PPM1L: variants seen among roughly 807,000 people sequenced by gnomAD.
The protein encoded by PPM1L is protein phosphatase 1L.
In PPM1L, 13 loss-of-function variants were observed where a neutral mutation model predicts 31.4. That is an observed-to-expected ratio of 0.41 (90% confidence interval 0.27 to 0.66). PPM1L has a LOEUF of 0.66. Among genes scored for constraint, PPM1L ranks in the 30% least tolerant of loss-of-function variants. The pLI is 0.29. For missense variants in PPM1L, 326 were observed against 453.7 expected (o/e 0.72, Z 2.56); for synonymous variants, 184 against 175.4 (o/e 1.05, Z -0.39).
chr3:160,961,141 TTTTG>T lies in PPM1L; in HGVS notation c.400-567_400-564del, dbSNP rs533073172. 8.7e-4 allele frequency among the ~76,000 whole-genome samples: 132 copies of T among 151,972 alleles called. 1 individual carries two copies. The highest frequency in any genetic ancestry group is 2.1e-3 in the South Asian group (10 of 4,818). On this transcript the variant is annotated intron_variant, in intron 1 of 3. Coordinates refer to ENST00000498165, the MANE Select transcript of PPM1L (RefSeq NM_139245.4). Reference sequence around the variant, plus strand: ...GCATTTAAGTGGTGAAGAGGTTTGGTTTTGTTTGTTTGTTTGTTTGTTTGTTTGT... The same window carrying T: ...GCATTTAAGTGGTGAAGAGGTTTGGTTTTGTTTGTTTGTTTGTTTGTTTGT...
chr3:160,879,402 C>T (rs1712627035), intron 1 of PPM1L, among the ~76,000 whole-genome samples: 1 of 152,082 alleles, frequency 6.6e-6, no homozygotes, highest in South Asian at 2.1e-4. Context: ...ATAGATACCT[C>T]AAGTGGAGGG....
chr3:160,933,900 A>T (rs946256702), intron 1 of PPM1L, among the ~76,000 whole-genome samples: 1 of 152,234 alleles, frequency 6.6e-6, no homozygotes, highest in East Asian at 1.9e-4. Flanking sequence ...GTGCCTCCTG[A>T]GAAATGTGTT....
chr3:160,866,849 T>C (rs990629344), intron 1 of PPM1L, among the ~76,000 whole-genome samples: 4 of 152,170 alleles, frequency 2.6e-5, no homozygotes, highest in African/African-American at 9.7e-5. Context: ...ATTTTATGTA[T>C]TTATTATTTT....
chr3:160,835,118 TTTC>T (rs1713673210), intron 1 of PPM1L, among the ~76,000 whole-genome samples: 1 of 147,130 alleles, frequency 6.8e-6, no homozygotes, highest in Non-Finnish European at 1.5e-5. Context: ...TTCCTTCTTC[TTTC>T]TTCTTTCTTC....
At chr3:160,906,068 T>C (rs956243833) in intron 1 of PPM1L, among the ~76,000 whole-genome samples, 1 of 152,030 alleles carries the variant, frequency 6.6e-6, no homozygotes, top group Non-Finnish European at 1.5e-5. Context: ...TTCTTAACAT[T>C]ATTATTATTA....
rs943265227 is a variant in PPM1L at position 160,973,796 on chromosome 3, C to A, written c.574+11886C>A. ...TTTTTTTTTTTTTTTTTTTTTTTAA[C>A]CAAGACTTGTCTTTATTTTTTTATT... is the stretch of plus-strand genomic sequence containing the variant. On this transcript the variant is annotated intron_variant, in intron 2 of 3. Transcript: ENST00000498165. Among the ~76,000 whole-genome samples the A allele has an allele frequency of 2.0e-3, 129 of 65,548 alleles. 1 individual carries two copies. The highest frequency in any genetic ancestry group is 5.3e-3 in the African/African-American group (127 of 23,810). 43.0% of individuals were successfully genotyped at this position (65,548 alleles called of 152,430 possible). A position where few individuals can be genotyped will look rare whatever the true frequency, so the allele number is the denominator to read the frequency against.
chr3:161,009,466 A>G (rs1018208433), intron 2 of PPM1L, among the ~76,000 whole-genome samples: 10 of 152,232 alleles, frequency 6.6e-5, no homozygotes, highest in African/African-American at 1.9e-4. Flanking sequence ...TCAACTGTCT[A>G]TAATGTTTTA....
intron 1 of PPM1L, among the ~76,000 whole-genome samples, chr3:160,774,961 T>C (rs1156328330): frequency 6.6e-6 from 1 of 152,232 alleles, no homozygotes; most frequent in Non-Finnish European, 1.5e-5. Context: ...TAATGATGTC[T>C]AACAAATGAA....
intron 1 of PPM1L, among the ~76,000 whole-genome samples, chr3:160,799,942 CA>C (rs1712375260): frequency 6.6e-6 from 1 of 152,146 alleles, no homozygotes; most frequent in Non-Finnish European, 1.5e-5. Context: ...GTAAGTCTCA[CA>C]AGGATAGGGA....
In PPM1L at chr3:160,970,445, A is replaced by ATTTTTTTTTTTTTTTTTTTTT. The variant is rs1491444648; in HGVS notation, c.574+8536_574+8537insTTTTTTTTTTTTTTTTTTTTT. Among the ~76,000 whole-genome samples, 2 of 33,462 alleles carry ATTTTTTTTTTTTTTTTTTTTT rather than the reference A, an allele frequency of 6.0e-5. 1 individual carries two copies. The highest frequency in any genetic ancestry group is 2.6e-4 in the Non-Finnish European group (2 of 7,774). 22.0% of individuals were successfully genotyped at this position (33,462 alleles called of 152,430 possible). On this transcript the variant is annotated intron_variant, in intron 2 of 3. Coordinates refer to ENST00000498165, the MANE Select transcript of PPM1L (RefSeq NM_139245.4). ...TTATCAATCTTTTTAACCAAGCTGA[A>ATTTTTTTTTTTTTTTTTTTTT]TATTTTTTTTTTTTTTTTTTTTGAG...
rs376921715 is a variant in PPM1L at position 160,989,530 on chromosome 3, G to A, written c.574+27620G>A. Among the ~76,000 whole-genome samples, 48 of 150,652 alleles carry A rather than the reference G, an allele frequency of 3.2e-4. 1 individual carries two copies. Among genetic ancestry groups the A allele is most frequent in the Admixed American group, 7.3e-4 (11 of 15,120 alleles). ...AGTGATTCTCCTGCCTCAGCCTCCC[G>A]AGTAACTGGAATTACAGGTGCCCTA... On this transcript the variant is annotated intron_variant, in intron 2 of 3. Transcript: ENST00000498165.
intron 1 of PPM1L, among the ~76,000 whole-genome samples, chr3:160,859,012 G>A (rs933320156): frequency 6.6e-6 from 1 of 152,152 alleles, no homozygotes; most frequent in African/African-American, 2.4e-5. Context: ...TAGTTAGGGT[G>A]GGTAGGCAAC....
intron 1 of PPM1L, among the ~76,000 whole-genome samples, chr3:160,903,410 C>A (rs1301333720): frequency 2.6e-5 from 4 of 152,066 alleles, no homozygotes; most frequent in Admixed American, 6.6e-5. Flanking sequence ...GTTAATGTCT[C>A]CAACTGATGG....
intron 2 of PPM1L, among the ~76,000 whole-genome samples, chr3:160,998,192 A>G (rs1345518178): frequency 6.6e-6 from 1 of 152,160 alleles, no homozygotes; most frequent in African/African-American, 2.4e-5. Flanking sequence ...AAAATGACAT[A>G]ATGAAAGTGC....
chr3:160,789,496 G>C (rs1231146028), intron 1 of PPM1L, among the ~76,000 whole-genome samples: 4 of 151,716 alleles, frequency 2.6e-5, no homozygotes, highest in Admixed American at 2.6e-4. Context: ...TGATAAATGT[G>C]CATCTTTATT....
At chr3:161,068,444 C>T (rs1719807487) in intron 3 of PPM1L, among the ~76,000 whole-genome samples, 1 of 152,212 alleles carries the variant, frequency 6.6e-6, no homozygotes, top group Admixed American at 6.5e-5. Flanking sequence ...GCCTGTTCAC[C>T]TGCCTTTCAG....
chr3:161,056,936 G>T (rs1251589998), intron 2 of PPM1L, among the ~76,000 whole-genome samples: 2 of 152,014 alleles, frequency 1.3e-5, no homozygotes, highest in Admixed American at 1.3e-4. Context: ...GGTGGCGCAC[G>T]CCTGTAATCC....
intron 1 of PPM1L, among the ~76,000 whole-genome samples, chr3:160,895,379 A>AT (rs36058531): frequency 0.42 from 63,753 of 151,650 alleles, 14,945 homozygotes; most frequent in Non-Finnish European, 0.54. Flanking sequence ...TGCCTGGCTA[A>AT]TTTTTTTTGT....
rs1553820535 is a variant in PPM1L at position 160,910,243 on chromosome 3, T to TTC, written c.400-51493_400-51492insTC. The stretch of plus-strand genomic sequence containing the variant: ...TCCCCTTTCCTTTCCCCTTCCCCTT[T>TTC]CCTTTCCCCTTCCCCTTTCCCCTTC... On this transcript the variant is annotated intron_variant, in intron 1 of 3. Transcript: ENST00000498165. Among the ~76,000 whole-genome samples the TTC allele has an allele frequency of 1.0e-4, 3 of 28,944 alleles. No individual in the cohort carries two copies. In the East Asian group the frequency reaches 3.8e-3, roughly 36 times the overall value. The allele number at this position is 28,944 out of a possible 152,430, so 19.0% of individuals were successfully genotyped here. A position where few individuals can be genotyped will look rare whatever the true frequency, so the allele number is the denominator to read the frequency against.
Sources: allele counts gnomAD v4.1 joint callset (sites outside exome capture counted in the v4.1 genomes callset), GRCh38; gene constraint gnomAD v4.1.1; transcripts MANE v1.5; gene names NCBI Gene and HGNC (gene_info 2026-07-23, HGNC 2026-07-21).